Variants in BEAN1 observed in about 807,000 individuals in gnomAD.
BEAN1 encodes the protein brain expressed associated with NEDD4 1, also known as protein BEAN1.
BEAN1 carries 17 observed loss-of-function variants against 17.7 expected under a neutral mutation model. The ratio of observed to expected loss-of-function variants is 0.96; its 90% CI spans 0.66 to 1.44. The LOEUF (loss-of-function observed/expected upper bound fraction) is 1.44, where lower values mean the gene tolerates loss of function less well. Among genes scored for constraint, BEAN1 ranks in the 40% most tolerant of loss-of-function variants. The pLI is 0.00. For synonymous variants in BEAN1, 142 were observed against 151.8 expected (o/e 0.94, Z 0.47); for missense variants, 359 against 374.1 (o/e 0.96, Z 0.33).
In BEAN1 at chr16:66,480,857, C is replaced by G; in HGVS notation, c.712C>G (p.Pro238Ala). ...LLPLPGPDPG[P>A]RGSQGSPTPT... ...GCCACTGCCGGGCCCAGACCCAGGG[C>G]CAAGGGGCTCCCAGGGCTCACCCAC... The change falls in exon 5 of 5, where the codon CCA becomes GCA. Residue 238 changes from proline (P) to alanine (A), a missense_variant. Physicochemically the swap from Pro to Ala is conservative, Grantham distance 27. Coordinates refer to ENST00000536005, the MANE Select transcript of BEAN1 (RefSeq NM_001178020.3). 2.0e-6 allele frequency: 3 copies of G among 1,503,362 alleles called. No homozygotes were observed. Among genetic ancestry groups the G allele is most frequent in the Non-Finnish European group, 2.7e-6 (3 of 1,120,038 alleles). The allele number at this position is 1,503,362 out of a possible 1,614,324, so 93.1% of individuals were successfully genotyped here.
chr16:66,456,888 T>C (rs1372326390), intron 2 of BEAN1, among the ~76,000 whole-genome samples: 1 of 152,258 alleles, frequency 6.6e-6, no homozygotes, highest in Non-Finnish European at 1.5e-5. Context: ...ATCTTAATAG[T>C]GGAATGAATT....
At chr16:66,490,590 C>T (rs1402178456) in intron 4 of BEAN1, among the ~76,000 whole-genome samples, 1 of 152,090 alleles carries the variant, frequency 6.6e-6, no homozygotes, top group Non-Finnish European at 1.5e-5. Flanking sequence ...ACCCCGCTGG[C>T]CCTTGGTTGG....
In BEAN1 at chr16:66,480,982, C is replaced by A; in HGVS notation, c.*57C>A. The A allele has an allele frequency of 7.5e-7, 1 of 1,326,308 alleles. No homozygotes were observed. The highest frequency in any genetic ancestry group is 1.0e-6 in the Non-Finnish European group (1 of 997,730). The allele number at this position is 1,326,308 out of a possible 1,614,324, so 82.2% of individuals were successfully genotyped here. ...TACAGGCTGAACCACATTCTTTAGGCACACAAAGGCGTGCACACACACACA... is the reference window on the plus strand; with the variant it reads ...TACAGGCTGAACCACATTCTTTAGGAACACAAAGGCGTGCACACACACACA... On this transcript the variant is annotated 3_prime_UTR_variant, in exon 5 of 5. Transcript: ENST00000536005.
intron 2 of BEAN1, among the ~76,000 whole-genome samples, chr16:66,457,405 G>A (rs372482831): frequency 2.0e-5 from 3 of 152,266 alleles, no homozygotes; most frequent in South Asian, 2.1e-4. Flanking sequence ...CATGTCTCCT[G>A]TCCACTGTAA....
chr16:66,450,482 G>A (rs1051463489), intron 2 of BEAN1, among the ~76,000 whole-genome samples: 12 of 152,240 alleles, frequency 7.9e-5, no homozygotes, highest in South Asian at 2.1e-4. Context: ...TTGGGAGGCC[G>A]AAACGGGAGG....
chr16:66,453,457 C>A (rs1962752326), intron 2 of BEAN1, among the ~76,000 whole-genome samples: 1 of 151,974 alleles, frequency 6.6e-6, no homozygotes, highest in African/African-American at 2.4e-5. Context: ...CTCCTGGGCT[C>A]AAGCAGTCCT....
chr16:66,445,925 G>A (rs1345401067), intron 2 of BEAN1, among the ~76,000 whole-genome samples: 1 of 152,206 alleles, frequency 6.6e-6, no homozygotes, highest in East Asian at 1.9e-4. Flanking sequence ...GCTCATACCT[G>A]TAATCCCAGC....
chr16:66,466,562 TTTTG>T (rs1342578458), intron 2 of BEAN1, among the ~76,000 whole-genome samples: 2 of 151,850 alleles, frequency 1.3e-5, no homozygotes, highest in Non-Finnish European at 2.9e-5. Context: ...AAGTTTTTTG[TTTTG>T]TTTTTGTTTT....
At chr16:66,494,680 C>G (rs1159824198), downstream of BEAN1, among the ~76,000 whole-genome samples, 4 of 152,204 alleles carry the variant, frequency 2.6e-5, no homozygotes, top group African/African-American at 9.7e-5. Flanking sequence ...ATCTAGGATC[C>G]ACTACTGGCC....
chr16:66,442,269 C>A lies in BEAN1; in HGVS notation c.25+4568C>A, dbSNP rs868011336. On this transcript the variant is annotated intron_variant, in intron 2 of 4. Transcript: ENST00000536005. ...CAGCTGGGAAAGGTGGCCCAGGACTCCCCCAGGATGCAGGCTCCAAGAGCA... is the reference window on the plus strand; with the variant it reads ...CAGCTGGGAAAGGTGGCCCAGGACTACCCCAGGATGCAGGCTCCAAGAGCA... Among the ~76,000 whole-genome samples, 24 of 152,308 alleles carry A rather than the reference C, an allele frequency of 1.6e-4. No homozygotes were observed. The South Asian group carries it at 4.6e-3, about 29-fold the overall frequency.
At chr16:66,462,910 T>TA (rs1963137655) in intron 2 of BEAN1, among the ~76,000 whole-genome samples, 1 of 151,432 alleles carries the variant, frequency 6.6e-6, no homozygotes, top group Non-Finnish European at 1.5e-5. Context: ...AGTAAACAAA[T>TA]AAATAAGCAG....
chr16:66,470,388 T>A (rs1351752863), intron 3 of BEAN1, among the ~76,000 whole-genome samples: 1 of 151,296 alleles, frequency 6.6e-6, no homozygotes, highest in African/African-American at 2.4e-5. Context: ...TATGAATGGA[T>A]AAATGGGTAG....
chr16:66,435,345 C>T (rs1961972876), intron 1 of BEAN1, among the ~76,000 whole-genome samples: 1 of 152,172 alleles, frequency 6.6e-6, no homozygotes. Context: ...AATGATGTCC[C>T]CCACCTCAAA....
Position 66,480,807 on chromosome 16 carries a change from G to C in BEAN1, c.662G>C (p.Gly221Ala). The C allele has an allele frequency of 3.2e-6, 5 of 1,544,356 alleles. No individual in the cohort carries two copies. Among genetic ancestry groups the C allele is most frequent in the Non-Finnish European group, 3.5e-6 (4 of 1,142,680 alleles). ...CTTCCCCCCTACGAGGCTGTGTGCGGGGCTGGCCCCCCATCAGGCCTGCTG... is the reference window on the plus strand; with the variant it reads ...CTTCCCCCCTACGAGGCTGTGTGCGCGGCTGGCCCCCCATCAGGCCTGCTG... ...DTLPPYEAVC[G>A]AGPPSGLLPL... The change falls in exon 5 of 5, where the codon GGG becomes GCG. Residue 221 changes from glycine to alanine, a missense_variant. Gly to Ala is a moderately conservative substitution (Grantham distance 60). Coordinates refer to ENST00000536005, the MANE Select transcript of BEAN1 (RefSeq NM_001178020.3).
intron 3 of BEAN1, among the ~76,000 whole-genome samples, chr16:66,474,574 G>GAGGGAGGGAGGGAGGGAGGA (rs1963626068): frequency 1.7e-5 from 1 of 57,716 alleles, no homozygotes; most frequent in African/African-American, 1.0e-4. Context: ...GGGAGAGAGG[G>GAGGGAGGGAGGGAGGGAGGA]AGGGAGAGAG....
chr16:66,472,114 A>T (rs1410308584), intron 3 of BEAN1, among the ~76,000 whole-genome samples: 1 of 152,210 alleles, frequency 6.6e-6, no homozygotes, highest in African/African-American at 2.4e-5. Flanking sequence ...TCGAACCGAA[A>T]AAAAGCCTTC....
At chr16:66,467,686 A>C (rs1355810166) in intron 2 of BEAN1, among the ~76,000 whole-genome samples, 1 of 152,212 alleles carries the variant, frequency 6.6e-6, no homozygotes, top group Non-Finnish European at 1.5e-5. Flanking sequence ...GTCAGGAAGC[A>C]TGCATGTCCA....
chr16:66,438,498 T>G (rs1962120482), intron 2 of BEAN1, among the ~76,000 whole-genome samples: 1 of 151,986 alleles, frequency 6.6e-6, no homozygotes, highest in Non-Finnish European at 1.5e-5. Context: ...GGATTGGTGT[T>G]CCCCAGAACA....
intron 2 of BEAN1, among the ~76,000 whole-genome samples, chr16:66,461,238 A>G (rs893427738): frequency 3.3e-5 from 5 of 152,122 alleles, no homozygotes; most frequent in African/African-American, 1.2e-4. Context: ...CTGCAGTCAT[A>G]TTTATCTTTT....
Sources: gnomAD v4.1 joint callset for allele counts (sites outside exome capture counted in the v4.1 genomes callset) on GRCh38, gnomAD v4.1.1 for gene constraint, MANE v1.5 for transcripts, NCBI Gene and HGNC (gene_info 2026-07-23, HGNC 2026-07-21) for gene names.